The following PRDM14 variants were observed in gnomAD, a reference collection of about 807,000 sequenced individuals.
The protein encoded by PRDM14 is PR domain zinc finger protein 14.
PRDM14 carries 16 observed loss-of-function variants against 48.0 expected under a neutral mutation model. The ratio of observed to expected loss-of-function variants is 0.33; its 90% CI spans 0.23 to 0.51. The LOEUF (loss-of-function observed/expected upper bound fraction) is 0.51. Ranked by LOEUF, PRDM14 falls within the 20% of genes least tolerant of loss-of-function variation. PRDM14 has a pLI of 0.97. For missense variants in PRDM14, 566 were observed against 719.6 expected (o/e 0.79, Z 2.44); for synonymous variants, 264 against 276.6 (o/e 0.95, Z 0.45).
At position 70,069,469 on chromosome 8, in the gene PRDM14, T is replaced by C; in HGVS notation, c.392A>G (p.His131Arg). The C allele has an allele frequency of 6.3e-6, 10 of 1,579,084 alleles. No individual in the cohort carries two copies. Among genetic ancestry groups the C allele is most frequent in the Non-Finnish European group, 8.6e-6 (10 of 1,160,766 alleles). ...CTCGTTGTCGCCACCAATGATTTGG[T>C]GGCCCAGATCTTCACTGCTGGCACC... Reference protein sequence around the residue: ...YAGASSEDLGHQIIGGDNESG... With the variant: ...YAGASSEDLGRQIIGGDNESG... Residue 131 changes from histidine to arginine, a missense_variant, in exon 2 of 8, where the codon CAC becomes CGC. Physicochemically the swap from His to Arg is conservative, Grantham distance 29. Transcript: ENST00000276594.
intron 5 of PRDM14, among the ~76,000 whole-genome samples, chr8:70,065,434 C>T (rs1464134286): frequency 1.3e-5 from 2 of 152,130 alleles, no homozygotes; most frequent in Admixed American, 6.5e-5. Flanking sequence ...AGTCTCACCC[C>T]TAGAGTGGGC....
intron 5 of PRDM14, among the ~76,000 whole-genome samples, chr8:70,062,403 T>C (rs1232057976): frequency 2.0e-5 from 3 of 152,224 alleles, no homozygotes; most frequent in Admixed American, 1.3e-4. Context: ...TTTGGAATAT[T>C]TCATATACAT....
intron 4 of PRDM14, among the ~76,000 whole-genome samples, chr8:70,067,724 T>C (rs1177241716): frequency 6.6e-6 from 1 of 152,128 alleles, no homozygotes; most frequent in Non-Finnish European, 1.5e-5. Flanking sequence ...TTAAGGTATC[T>C]GATACATTCT....
At chr8:70,053,540 T>A (rs545504601) in intron 7 of PRDM14, among the ~76,000 whole-genome samples, 1 of 151,994 alleles carries the variant, frequency 6.6e-6, no homozygotes, top group Non-Finnish European at 1.5e-5. Flanking sequence ...ACAGGTGCAC[T>A]ATGATGCCCA....
At chr8:70,063,680 A>G (rs1016016681) in intron 5 of PRDM14, among the ~76,000 whole-genome samples, 1 of 151,462 alleles carries the variant, frequency 6.6e-6, no homozygotes, top group African/African-American at 2.4e-5. Context: ...GCACCACCAC[A>G]CCCAGCTAAT....
chr8:70,064,548 G>A (rs1462226664), intron 5 of PRDM14, among the ~76,000 whole-genome samples: 2 of 144,424 alleles, frequency 1.4e-5, no homozygotes, highest in African/African-American at 2.6e-5. Flanking sequence ...TTTTTGAAAC[G>A]GAATCTCGCT....
chr8:70,054,312 T>A (rs926564832), intron 7 of PRDM14, among the ~76,000 whole-genome samples: 3 of 152,200 alleles, frequency 2.0e-5, no homozygotes, highest in Admixed American at 2.0e-4. Flanking sequence ...AGTACTTTTA[T>A]GTTATGCCAG....
rs199955759 is a variant in PRDM14, at chr8:70,055,412, A to G, written c.1387-11T>C. The G allele has an allele frequency of 4.1e-5, 59 of 1,454,676 alleles. 1 individual carries two copies. In the East Asian group the frequency reaches 1.3e-3, roughly 32 times the overall value. The allele number at this position is 1,454,676 out of a possible 1,614,324, so 90.1% of individuals were successfully genotyped here. On this transcript the variant is annotated splice_polypyrimidine_tract_variant and intron_variant, in intron 6 of 7. Transcript: ENST00000276594. ...CCCACATGTAGAACACTAAGGTGAA[A>G]AAGAAAAATATAGTTGAAATCACAC...
intron 5 of PRDM14, among the ~76,000 whole-genome samples, chr8:70,063,440 T>C (rs1329817645): frequency 6.6e-6 from 1 of 151,854 alleles, no homozygotes; most frequent in Non-Finnish European, 1.5e-5. Context: ...TCTCAAAAAA[T>C]AATAATGATT....
chr8:70,060,560 A>G (rs974954811), intron 5 of PRDM14, among the ~76,000 whole-genome samples: 1 of 152,228 alleles, frequency 6.6e-6, no homozygotes, highest in Admixed American at 6.5e-5. Flanking sequence ...CATTCAAATT[A>G]GGCTTCAAAC....
intron 7 of PRDM14, among the ~76,000 whole-genome samples, chr8:70,053,098 T>TAAAAAA (rs71275048): frequency 6.1e-5 from 5 of 82,156 alleles, no homozygotes; most frequent in Admixed American, 1.7e-4. Flanking sequence ...ACCCTCTCTT[T>TAAAAAA]AAAAAAAAAA....
chr8:70,055,477 G>A, intron 6 of PRDM14, 76 bp from the exon 7 acceptor site: 1 of 819,352 alleles, frequency 1.2e-6, no homozygotes, highest in East Asian at 2.5e-5. Context: ...CGTTTACCTG[G>A]GGTTAGAGAA....
intron 4 of PRDM14, among the ~76,000 whole-genome samples, chr8:70,067,544 A>C (rs1423258355): frequency 2.0e-5 from 3 of 151,548 alleles, no homozygotes; most frequent in Admixed American, 1.3e-4. Context: ...AAAAAAAAAA[A>C]CAAAGAAAGA....
chr8:70,056,115 T>C (rs898954945), intron 6 of PRDM14, among the ~76,000 whole-genome samples: 1 of 152,232 alleles, frequency 6.6e-6, no homozygotes, highest in East Asian at 1.9e-4. Flanking sequence ...ACGATGAACA[T>C]GTAAGCCAAC....
chr8:70,069,756 G>A lies in PRDM14; in HGVS notation c.105C>T (p.Ser35=), dbSNP rs936720442. 3.1e-6 allele frequency: 5 copies of A among 1,607,912 alleles called. No homozygotes were observed. Among genetic ancestry groups the A allele is most frequent in the Non-Finnish European group, 4.2e-6 (5 of 1,177,604 alleles). Residue 35 remains serine, a synonymous_variant, in exon 2 of 8, where the codon TCC becomes TCT. Coordinates refer to ENST00000276594, the MANE Select transcript of PRDM14 (RefSeq NM_024504.4). The stretch of plus-strand genomic sequence containing the variant: ...CCAGGCTGTTTCTGTAGTGTCCATA[G>A]GACGGGAAAGGCGTGTAGTACGCGG... The part of the protein sequence containing the change: ...NLAAYYTPFP[S]YGHYRNSLAT...
At chr8:70,070,598 C>CT (rs1381718562) in intron 1 of PRDM14, among the ~76,000 whole-genome samples, 1 of 152,196 alleles carries the variant, frequency 6.6e-6, no homozygotes, top group Non-Finnish European at 1.5e-5. Flanking sequence ...GCCTGAACCT[C>CT]TTTTCCCTCG....
At chr8:70,060,763 T>C (rs184939180) in intron 5 of PRDM14, among the ~76,000 whole-genome samples, 1 of 152,316 alleles carries the variant, frequency 6.6e-6, no homozygotes, top group African/African-American at 2.4e-5. Flanking sequence ...ACTGAGGCAC[T>C]GAGGCCGACC....
At chr8:70,054,391 A>T (rs1372782331) in intron 7 of PRDM14, among the ~76,000 whole-genome samples, 1 of 152,144 alleles carries the variant, frequency 6.6e-6, no homozygotes, top group Non-Finnish European at 1.5e-5. Context: ...TATTCTCCCC[A>T]GTTTATCAAT....
rs911076608 is a variant in PRDM14, at chr8:70,065,438, A to G, written c.1183+797T>C. Among the ~76,000 whole-genome samples, 12 of 152,106 alleles carry G rather than the reference A, an allele frequency of 7.9e-5. 1 individual carries two copies. On this transcript the variant is annotated intron_variant, in intron 5 of 7. Coordinates refer to ENST00000276594, the MANE Select transcript of PRDM14 (RefSeq NM_024504.4). The stretch of plus-strand genomic sequence containing the variant: ...GCAAATTCCAAAGTCTCACCCCTAG[A>G]GTGGGCTGGTGGTTCCCTCGCCCCT...
Sources: allele counts gnomAD v4.1 joint callset (sites outside exome capture counted in the v4.1 genomes callset), GRCh38; gene constraint gnomAD v4.1.1; transcripts MANE v1.5; gene names NCBI Gene and HGNC (gene_info 2026-07-23, HGNC 2026-07-21).